The following GRIK2 variants were observed in gnomAD, a reference collection of about 807,000 sequenced individuals.
The protein encoded by GRIK2 is glutamate ionotropic receptor kainate type subunit 2.
GRIK2 carries 32 observed loss-of-function variants against 100.3 expected under a neutral mutation model. The observed-to-expected ratio is 0.32, with a 90% confidence interval of 0.24 to 0.43. The LOEUF (loss-of-function observed/expected upper bound fraction) is 0.43. Ranked by LOEUF, GRIK2 falls within the 20% of genes least tolerant of loss-of-function variation. The pLI is 1.00. For synonymous variants in GRIK2, 417 were observed against 389.4 expected, an observed-to-expected ratio of 1.07 and a Z score of -0.83; for missense variants, 843 against 1,114.9, an observed-to-expected ratio of 0.76 and a Z score of 3.47.
rs1770692408 is a variant in GRIK2, at chr6:102,043,267, CAG to C, written c.2311+7703_2311+7704del. Among the ~76,000 whole-genome samples the C allele has an allele frequency of 5.2e-5, 7 of 134,836 alleles. No individual in the cohort carries two copies. In the South Asian group the frequency reaches 1.4e-3, roughly 27 times the overall value. 88.5% of individuals were successfully genotyped at this position (134,836 alleles called of 152,430 possible). ...AAACTAATTAGCATATCAATCACCT[CAG>C]ATACTTTTTTATGGTGTGAACATTT... is the stretch of plus-strand genomic sequence containing the variant. On this transcript the variant is annotated intron_variant, in intron 15 of 16. Coordinates refer to ENST00000369134, the MANE Select transcript of GRIK2 (RefSeq NM_021956.5).
rs1779351243 is a variant in GRIK2 at position 101,604,255 on chromosome 6, T to C, written c.116-17694T>C. On this transcript the variant is annotated intron_variant, in intron 2 of 16. Transcript: ENST00000369134. ...CTGCTTAAATTCTCTGTTCCTAAAA[T>C]TAAAGTATTTAAAAATAGAAATATA... is the stretch of plus-strand genomic sequence containing the variant. Among the ~76,000 whole-genome samples, 4 of 151,770 alleles carry C rather than the reference T, an allele frequency of 2.6e-5. No individual in the cohort carries two copies. The South Asian group carries it at 6.2e-4, about 24-fold the overall frequency.
intron 5 of GRIK2, among the ~76,000 whole-genome samples, chr6:101,679,212 G>A (rs886141279): frequency 2.6e-5 from 4 of 152,108 alleles, no homozygotes. Context: ...ATCCTACAGT[G>A]GTGTGAAGTA....
chr6:101,903,235 T>G (rs1454072469), intron 12 of GRIK2, among the ~76,000 whole-genome samples: 1 of 151,898 alleles, frequency 6.6e-6, no homozygotes, highest in Non-Finnish European at 1.5e-5. Flanking sequence ...TGGCTTTCTT[T>G]TATCTGAGCT....
intron 7 of GRIK2, among the ~76,000 whole-genome samples, chr6:101,691,985 G>A (rs1772131054): frequency 6.9e-6 from 1 of 145,166 alleles, no homozygotes; most frequent in Non-Finnish European, 1.5e-5. Context: ...CTGGGAAGTT[G>A]AGGCTGCAGT....
chr6:101,960,114 TTTC>T (rs1298064732), intron 14 of GRIK2, among the ~76,000 whole-genome samples: 2 of 151,142 alleles, frequency 1.3e-5, no homozygotes, highest in Non-Finnish European at 2.9e-5. Flanking sequence ...TCTGATTATT[TTTC>T]TTCTACTTGC....
intron 2 of GRIK2, among the ~76,000 whole-genome samples, chr6:101,572,916 T>C (rs581292): frequency 0.11 from 16,848 of 151,700 alleles, 1,308 homozygotes; most frequent in African/African-American, 0.21. Flanking sequence ...TGACACGACC[T>C]TGGCTCCCTG....
intron 12 of GRIK2, among the ~76,000 whole-genome samples, chr6:101,920,332 G>A (rs1789407086): frequency 6.6e-6 from 1 of 151,938 alleles, no homozygotes; most frequent in Admixed American, 6.6e-5. Context: ...TCAGCAAGGG[G>A]CTTCTAATAC....
At chr6:101,501,859 G>A (rs1359254748) in intron 2 of GRIK2, among the ~76,000 whole-genome samples, 2 of 152,132 alleles carry the variant, frequency 1.3e-5, no homozygotes, top group Admixed American at 6.5e-5. Flanking sequence ...CTGGGTTCAA[G>A]CGATCCTCCC....
chr6:101,625,983 TTTGA>T (rs1202755065), intron 3 of GRIK2, among the ~76,000 whole-genome samples: 1 of 152,106 alleles, frequency 6.6e-6, no homozygotes, highest in African/African-American at 2.4e-5. Flanking sequence ...CCATGTGGCT[TTTGA>T]TTAAGAAATG....
At chr6:101,490,798 C>T (rs1167719673) in intron 2 of GRIK2, among the ~76,000 whole-genome samples, 2 of 146,430 alleles carry the variant, frequency 1.4e-5, no homozygotes, top group African/African-American at 5.2e-5. Flanking sequence ...ATGACAATGA[C>T]AACAACAAAA....
chr6:101,622,622 T>C (rs537420447), intron 3 of GRIK2, among the ~76,000 whole-genome samples: 18 of 152,072 alleles, frequency 1.2e-4, no homozygotes, highest in Non-Finnish European at 2.2e-4. Context: ...TCCATGCTCA[T>C]ATTTTAACCA....
At chr6:101,481,728 G>GT (rs1772540081) in intron 2 of GRIK2, among the ~76,000 whole-genome samples, 1 of 152,144 alleles carries the variant, frequency 6.6e-6, no homozygotes, top group African/African-American at 2.4e-5. Context: ...AGTGCTTGGT[G>GT]TTTTATCTAA....
At chr6:101,813,984 C>T (rs1376609213) in intron 9 of GRIK2, among the ~76,000 whole-genome samples, 4 of 150,960 alleles carry the variant, frequency 2.6e-5, no homozygotes, top group African/African-American at 9.8e-5. Context: ...AAAATGTTAA[C>T]TAAAACTGTG....
rs537572280 is a variant in GRIK2 at position 102,051,940 on chromosome 6, A to T, written c.2312-3390A>T. On this transcript the variant is annotated intron_variant, in intron 15 of 16. Transcript: ENST00000369134. ...CTCTCAGTTGACATTCAGCAACATCAGTTCTTTGTTTGCCAACATACAGAT... is the reference window on the plus strand; with the variant it reads ...CTCTCAGTTGACATTCAGCAACATCTGTTCTTTGTTTGCCAACATACAGAT... Among the ~76,000 whole-genome samples the T allele has an allele frequency of 9.2e-4, 140 of 152,320 alleles. 1 individual carries two copies. The highest frequency in any genetic ancestry group is 6.8e-3 in the Middle Eastern group (2 of 294).
chr6:101,809,319 T>C (rs1781189559), intron 9 of GRIK2, among the ~76,000 whole-genome samples: 1 of 152,054 alleles, frequency 6.6e-6, no homozygotes, highest in African/African-American at 2.4e-5. Flanking sequence ...GCTTTTTGAA[T>C]ATTTTTTGTA....
intron 14 of GRIK2, among the ~76,000 whole-genome samples, chr6:101,931,679 A>T (rs1055543097): frequency 1.3e-5 from 2 of 152,004 alleles, no homozygotes; most frequent in African/African-American, 4.8e-5. Context: ...TTCTATATCC[A>T]TTACACACCA....
At chr6:101,495,422 C>A (rs766098640) in intron 2 of GRIK2, among the ~76,000 whole-genome samples, 1 of 152,032 alleles carries the variant, frequency 6.6e-6, no homozygotes, top group South Asian at 2.1e-4. Context: ...AGGAGAATGG[C>A]GTGAACCAGG....
chr6:101,677,665 A>C (rs777498561), intron 5 of GRIK2, among the ~76,000 whole-genome samples: 32 of 152,118 alleles, frequency 2.1e-4, no homozygotes, highest in Non-Finnish European at 4.3e-4. Context: ...TTGTTTCTTA[A>C]ACTCTTTTAT....
chr6:101,622,676 T>G (rs988325294), intron 3 of GRIK2, among the ~76,000 whole-genome samples: 1 of 152,034 alleles, frequency 6.6e-6, no homozygotes, highest in Non-Finnish European at 1.5e-5. Context: ...GCTGATTATG[T>G]AAAAACTGAA....
Sources: gnomAD v4.1 joint callset for allele counts (sites outside exome capture counted in the v4.1 genomes callset) on GRCh38, gnomAD v4.1.1 for gene constraint, MANE v1.5 for transcripts, NCBI Gene and HGNC (gene_info 2026-07-23, HGNC 2026-07-21) for gene names.